Variants in PLAUR observed in about 807,000 individuals in gnomAD.
PLAUR encodes the protein urokinase plasminogen activator surface receptor.
PLAUR carries 22 observed loss-of-function variants against 33.4 expected under a neutral mutation model. The ratio of observed to expected loss-of-function variants is 0.66; its 90% CI spans 0.47 to 0.94. The LOEUF is 0.94. Among genes scored for constraint, PLAUR ranks in the 40% least tolerant of loss-of-function variants. The probability of loss-of-function intolerance (pLI) is 0.00; values close to 1 mark genes in which losing one functional copy is unlikely to be tolerated. For missense variants in PLAUR, 408 were observed against 434.7 expected (o/e 0.94, Z 0.55); for synonymous variants, 148 against 167.3 (o/e 0.88, Z 0.89).
intron 3 of PLAUR, among the ~76,000 whole-genome samples, chr19:43,664,555 C>T (rs1967144652): frequency 6.6e-6 from 1 of 152,246 alleles, no homozygotes; most frequent in Admixed American, 6.5e-5. Context: ...AGCGGTTCTC[C>T]CGCCTTGGTC....
chr19:43,659,755 C>A (rs1974366952), intron 3 of PLAUR, among the ~76,000 whole-genome samples: 1 of 152,232 alleles, frequency 6.6e-6, no homozygotes, highest in South Asian at 2.1e-4. Context: ...TTATCTTCCA[C>A]ATCTGTGCAT....
At chr19:43,663,300 TACACACACACACACAC>T (rs59542257) in intron 3 of PLAUR, among the ~76,000 whole-genome samples, 19,400 of 131,866 alleles carry the variant, frequency 0.15, 1,626 homozygotes, top group East Asian at 0.33. Context: ...CTGTCACCCC[TACACACACACACACAC>T]ACACACACAC....
intron 5 of PLAUR, 56 bp from the exon 6 acceptor site, chr19:43,652,427 T>C: frequency 1.3e-6 from 2 of 1,548,836 alleles, no homozygotes. Context: ...GGATCTCCAC[T>C]TCCTTGAATG....
At chr19:43,646,811 T>G (rs5828174), downstream of PLAUR, among the ~76,000 whole-genome samples, 3,091 of 128,042 alleles carry the variant, frequency 0.024, 67 homozygotes, top group East Asian at 0.13. Context: ...TTTTTTTTTT[T>G]GGGGATAGTC....
chr19:43,663,503 C>G (rs1340521331), intron 3 of PLAUR, among the ~76,000 whole-genome samples: 1 of 151,916 alleles, frequency 6.6e-6, no homozygotes, highest in Non-Finnish European at 1.5e-5. Context: ...GGGATGAGGC[C>G]GGGCACGGTG....
chr19:43,646,126 ATGAGGTC>A (rs1973823021), downstream of PLAUR: 1 of 182,390 alleles, frequency 5.5e-6, no homozygotes, highest in African/African-American at 2.4e-5. Flanking sequence ...TTTAGTGGAG[ATGAGGTC>A]TCACTGTGTT....
In PLAUR at chr19:43,659,135, C is replaced by T. The variant is rs114269080; in HGVS notation, c.311-2495G>A. On this transcript the variant is annotated intron_variant, in intron 3 of 6. Coordinates refer to ENST00000340093, the MANE Select transcript of PLAUR (RefSeq NM_002659.4). The stretch of plus-strand genomic sequence containing the variant: ...GTGAACTCTTGTAAATGCCAATGAT[C>T]CTTAGGGCTATTTTCCTTTTTCTTT... Among the ~76,000 whole-genome samples, 185 of 149,560 alleles carry T rather than the reference C, an allele frequency of 1.2e-3. 1 individual carries two copies. The highest frequency in any genetic ancestry group is 4.0e-3 in the African/African-American group (164 of 40,628).
At chr19:43,665,621 AC>A (rs1204067300) in intron 2 of PLAUR, among the ~76,000 whole-genome samples, 162 bp from the exon 3 acceptor site, 3 of 137,974 alleles carry the variant, frequency 2.2e-5, no homozygotes, top group Non-Finnish European at 3.1e-5. Context: ...CCTTGCCTCC[AC>A]CCCCACCCCA....
At chr19:43,664,492 C>T (rs1600140481) in intron 3 of PLAUR, among the ~76,000 whole-genome samples, 1 of 152,270 alleles carries the variant, frequency 6.6e-6, no homozygotes, top group Non-Finnish European at 1.5e-5. Context: ...CCATGAAATT[C>T]GACAAAGGGG....
At chr19:43,668,269 T>TTAGA in intron 1 of PLAUR, 1 of 987,170 alleles carries the variant, frequency 1.0e-6, no homozygotes, top group South Asian at 4.5e-5. Flanking sequence ...GTTTCTATTG[T>TTAGA]TAGATACTCT....
At chr19:43,654,584 AT>A (rs1355193138) in intron 5 of PLAUR, among the ~76,000 whole-genome samples, 6 of 151,852 alleles carry the variant, frequency 4.0e-5, no homozygotes, top group Non-Finnish European at 7.4e-5. Context: ...AAAATACAAA[AT>A]TAGCTGGGTA....
At chr19:43,647,594 G>A (rs1973844564), downstream of PLAUR, among the ~76,000 whole-genome samples, 1 of 152,118 alleles carries the variant, frequency 6.6e-6, no homozygotes, top group Non-Finnish European at 1.5e-5. Context: ...ATCACCTGAG[G>A]TTGGGAGTTT....
At position 43,667,588 on chromosome 19, in the gene PLAUR, C is replaced by A; in HGVS notation, c.159G>T (p.Leu53Phe). 6.2e-7 allele frequency: 1 copy of A among 1,612,514 alleles called. No individual in the cohort carries two copies. The highest frequency in any genetic ancestry group is 8.5e-7 in the Non-Finnish European group (1 of 1,178,668). ...QDLCRTTIVR[L>F]WEEGEELELV... The stretch of plus-strand genomic sequence containing the variant: ...GGTTGGGGGGAAGCTCACCTTCCCA[C>A]AAGCGCACGATCGTGGTCCTGCAGA... Residue 53 changes from leucine (L) to phenylalanine (F), a missense_variant, in exon 2 of 7, where the codon TTG (leucine) becomes TTT (phenylalanine). By Grantham distance (22) the Leu-to-Phe change is conservative. Coordinates refer to ENST00000340093, the MANE Select transcript of PLAUR (RefSeq NM_002659.4).
chr19:43,666,707 ACTGGTGC>A (rs1967271058), intron 2 of PLAUR, among the ~76,000 whole-genome samples: 1 of 151,560 alleles, frequency 6.6e-6, no homozygotes, highest in African/African-American at 2.4e-5. Flanking sequence ...AGCTGGGATA[ACTGGTGC>A]CTGCCACCAA....
Position 43,649,084 on chromosome 19 carries a change from C to T in PLAUR, c.814G>A (p.Ala272Thr), listed in dbSNP as rs756038834. ...GCATASMCQH[A>T]HLGDAFSMNH... ...ATGCTGAAGGCGTCACCCAGGTGGG[C>T]ATGTTGGCACATTGAGGCGGTTGCA... Residue 272 changes from alanine to threonine, a missense_variant, in exon 7 of 7, where the codon GCC becomes ACC. By Grantham distance (58) the Ala-to-Thr change is moderately conservative. Coordinates refer to ENST00000340093, the MANE Select transcript of PLAUR (RefSeq NM_002659.4). The T allele has an allele frequency of 1.2e-6, 2 of 1,614,136 alleles. No individual in the cohort carries two copies.
downstream of PLAUR, among the ~76,000 whole-genome samples, chr19:43,647,938 C>CATTTTTT (rs1555778381): frequency 7.5e-6 from 1 of 133,224 alleles, no homozygotes; most frequent in African/African-American, 2.8e-5. Flanking sequence ...TTAGAGAGCC[C>CATTTTTT]TTTTTTTTTT....
intron 1 of PLAUR, 82 bp from the exon 2 acceptor site, chr19:43,667,773 CA>C: frequency 6.5e-7 from 1 of 1,545,608 alleles, no homozygotes; most frequent in South Asian, 1.2e-5. Context: ...GTCCCAATAC[CA>C]ACACCAAGTC....
At chr19:43,667,889 G>C in intron 1 of PLAUR, 198 bp from the exon 2 acceptor site, 1 of 1,419,382 alleles carries the variant, frequency 7.0e-7, no homozygotes, top group Non-Finnish European at 9.2e-7. Context: ...CCCACTAACT[G>C]AACGTTCTAT....
At chr19:43,668,119 T>G (rs1967343937) in intron 1 of PLAUR, 1 of 1,007,758 alleles carries the variant, frequency 9.9e-7, no homozygotes, top group African/African-American at 1.7e-5. Context: ...CGCGTCGATC[T>G]TTATGTTATA....
Sources: allele counts gnomAD v4.1 joint callset (sites outside exome capture counted in the v4.1 genomes callset), GRCh38; gene constraint gnomAD v4.1.1; transcripts MANE v1.5; gene names NCBI Gene and HGNC (gene_info 2026-07-23, HGNC 2026-07-21).